RBMS1: variants seen among roughly 807,000 people sequenced by gnomAD.
RBMS1 encodes the protein RNA-binding motif, single-stranded-interacting protein 1.
Under a neutral mutation model 62.3 loss-of-function variants are expected in RBMS1, and 17 were observed. The observed-to-expected ratio is 0.27, with a 90% CI of 0.19 to 0.41. The LOEUF is 0.41. RBMS1 is among the 10% of genes least tolerant of loss of function. The pLI, the probability that RBMS1 is intolerant of heterozygous loss-of-function variation, is 1.00. For synonymous variants in RBMS1, 172 were observed against 170.0 expected, an observed-to-expected ratio of 1.01 and a Z score of -0.09; for missense variants, 334 against 504.5, an observed-to-expected ratio of 0.66 and a Z score of 3.24.
chr2:160,467,627 A>G (rs994219784), intron 1 of RBMS1, among the ~76,000 whole-genome samples: 1 of 152,186 alleles, frequency 6.6e-6, no homozygotes, highest in East Asian at 1.9e-4. Context: ...GGGCTTTCAA[A>G]TGTCATGGAT....
At chr2:160,355,281 T>C (rs981927028) in intron 2 of RBMS1, among the ~76,000 whole-genome samples, 1 of 152,118 alleles carries the variant, frequency 6.6e-6, no homozygotes, top group Non-Finnish European at 1.5e-5. Flanking sequence ...CTAGTCTCTC[T>C]TCTGCACTGA....
At chr2:160,443,138 G>A (rs531495949) in intron 1 of RBMS1, among the ~76,000 whole-genome samples, 36 of 151,836 alleles carry the variant, frequency 2.4e-4, no homozygotes, top group African/African-American at 7.0e-4. Flanking sequence ...CCCAGGAGGC[G>A]GAGGTTGCAG....
At chr2:160,376,696 T>C (rs754362618) in intron 1 of RBMS1, among the ~76,000 whole-genome samples, 6 of 152,056 alleles carry the variant, frequency 3.9e-5, no homozygotes, top group Non-Finnish European at 7.4e-5. Flanking sequence ...AATGCAGTAG[T>C]GCAATCATGG....
intron 1 of RBMS1, among the ~76,000 whole-genome samples, chr2:160,414,184 C>A (rs1276390069): frequency 6.6e-6 from 1 of 152,154 alleles, no homozygotes; most frequent in Non-Finnish European, 1.5e-5. Flanking sequence ...GCAAACTTTC[C>A]AATATTCGAA....
chr2:160,416,710 A>G (rs899898064), intron 1 of RBMS1, among the ~76,000 whole-genome samples: 2 of 152,170 alleles, frequency 1.3e-5, no homozygotes, highest in Non-Finnish European at 2.9e-5. Flanking sequence ...GGAAAGAATT[A>G]TTAAGGGCCG....
intron 4 of RBMS1, among the ~76,000 whole-genome samples, chr2:160,305,449 T>C (rs1689448436): frequency 6.6e-6 from 1 of 152,224 alleles, no homozygotes. Context: ...TACAGGTTAG[T>C]AGCCTAAGAG....
chr2:160,449,325 T>C (rs1683854806), intron 1 of RBMS1, among the ~76,000 whole-genome samples: 2 of 152,120 alleles, frequency 1.3e-5, no homozygotes, highest in African/African-American at 4.8e-5. Context: ...ATCTGGGAGG[T>C]GTACCCAACA....
intron 13 of RBMS1, 121 bp downstream of exon 13, chr2:160,275,509 G>T (rs2105926685): frequency 7.0e-7 from 1 of 1,426,842 alleles, no homozygotes; most frequent in South Asian, 1.8e-5. Context: ...AGATGCCTTG[G>T]CCACGATTAA....
chr2:160,367,478 ATTACT>A, intron 1 of RBMS1, 87 bp from the exon 2 acceptor site: 2 of 1,561,862 alleles, frequency 1.3e-6, no homozygotes, highest in Non-Finnish European at 1.7e-6. Context: ...TTAAATATAG[ATTACT>A]TTAAGCTACT....
chr2:160,402,860 T>A (rs1695509983), intron 1 of RBMS1, among the ~76,000 whole-genome samples: 1 of 152,218 alleles, frequency 6.6e-6, no homozygotes, highest in Non-Finnish European at 1.5e-5. Context: ...GGTTTATACA[T>A]CCTTAAAATA....
intron 4 of RBMS1, among the ~76,000 whole-genome samples, chr2:160,311,232 C>CTATATATATATATA (rs10530445): frequency 2.5e-4 from 20 of 79,254 alleles, no homozygotes; most frequent in Middle Eastern, 7.6e-3. Context: ...ATCTATCTAT[C>CTATATATATATATA]TATATATATA....
chr2:160,446,878 T>A (rs889902013), intron 1 of RBMS1, among the ~76,000 whole-genome samples: 1 of 152,176 alleles, frequency 6.6e-6, no homozygotes, highest in African/African-American at 2.4e-5. Context: ...TGCCCTCTAC[T>A]GCCGCTGCAC....
chr2:160,278,675 A>G lies in RBMS1; in HGVS notation c.952-17T>C, dbSNP rs1371731490. 6.4e-7 allele frequency: 1 copy of G among 1,555,824 alleles called. No homozygotes were observed. The highest frequency in any genetic ancestry group is 1.4e-5 in the African/African-American group (1 of 73,358). On this transcript the variant is annotated splice_polypyrimidine_tract_variant and intron_variant, in intron 10 of 13. Transcript: ENST00000348849. ...CACGGCACCCTGGGGAGTTGGAGAC[A>G]GGAGCAAAATTAGACAAACTGAGGC...
At chr2:160,305,762 G>A (rs1166754624) in intron 4 of RBMS1, among the ~76,000 whole-genome samples, 1 of 152,120 alleles carries the variant, frequency 6.6e-6, no homozygotes, top group South Asian at 2.1e-4. Flanking sequence ...TTTTAATAAA[G>A]ATGGGGACCC....
chr2:160,446,069 T>C (rs1683628629), intron 1 of RBMS1, among the ~76,000 whole-genome samples: 1 of 152,212 alleles, frequency 6.6e-6, no homozygotes, highest in African/African-American at 2.4e-5. Context: ...TAGTTTTCTT[T>C]CTTTGAAAGT....
chr2:160,475,187 T>C (rs969429083), intron 1 of RBMS1, among the ~76,000 whole-genome samples: 2 of 152,220 alleles, frequency 1.3e-5, no homozygotes, highest in African/African-American at 4.8e-5. Context: ...GAAATGAAAC[T>C]ATCCATTAAG....
At chr2:160,353,593 A>G (rs1232757598) in intron 2 of RBMS1, among the ~76,000 whole-genome samples, 2 of 152,114 alleles carry the variant, frequency 1.3e-5, no homozygotes, top group Non-Finnish European at 2.9e-5. Context: ...AAGTACAGAT[A>G]TTTCATCCTC....
chr2:160,285,761 C>A (rs1341455241), intron 7 of RBMS1, among the ~76,000 whole-genome samples: 1 of 151,170 alleles, frequency 6.6e-6, no homozygotes, highest in South Asian at 2.1e-4. Flanking sequence ...AATATAAACC[C>A]CTCTAAGAAA....
intron 6 of RBMS1, among the ~76,000 whole-genome samples, chr2:160,297,552 G>C (rs1285643004): frequency 6.6e-6 from 1 of 152,220 alleles, no homozygotes; most frequent in Non-Finnish European, 1.5e-5. Flanking sequence ...CTAGTTTAGT[G>C]GGACTGACAC....
Sources: allele counts gnomAD v4.1 joint callset (sites outside exome capture counted in the v4.1 genomes callset), GRCh38; gene constraint gnomAD v4.1.1; transcripts MANE v1.5; gene names NCBI Gene and HGNC (gene_info 2026-07-23, HGNC 2026-07-21).